Variants in SRD5A3 observed in about 807,000 individuals in gnomAD.
SRD5A3 encodes the protein polyprenal reductase.
SRD5A3 carries 24 observed loss-of-function variants against 34.3 expected under a neutral mutation model. The ratio of observed to expected loss-of-function variants is 0.70; its 90% CI spans 0.51 to 0.99. The LOEUF is 0.99. Ranked by LOEUF, SRD5A3 falls within the 50% of genes least tolerant of loss-of-function variation. The pLI is 0.00. For synonymous variants in SRD5A3, 161 were observed against 167.3 expected (o/e 0.96, Z 0.29); for missense variants, 350 against 388.2 (o/e 0.90, Z 0.83).
chr4:55,370,420 T>C lies in SRD5A3; in HGVS notation c.*329T>C, dbSNP rs1388302384. Reference sequence around the variant, plus strand: ...CAAACTAACCGAAAAACCGAAAATATACAAACAGCTTCACACACACACACA... The same window carrying C: ...CAAACTAACCGAAAAACCGAAAATACACAAACAGCTTCACACACACACACA... On this transcript the variant is annotated 3_prime_UTR_variant, in exon 5 of 5. Coordinates refer to ENST00000264228, the MANE Select transcript of SRD5A3 (RefSeq NM_024592.5). 8.4e-6 allele frequency: 3 copies of C among 355,600 alleles called. No individual in the cohort carries two copies. The highest frequency in any genetic ancestry group is 1.6e-5 in the Non-Finnish European group (3 of 190,146). 22.0% of individuals were successfully genotyped at this position (355,600 alleles called of 1,614,324 possible).
chr4:55,349,779 G>A (rs1028642575), intron 1 of SRD5A3, among the ~76,000 whole-genome samples: 2 of 152,168 alleles, frequency 1.3e-5, no homozygotes, highest in African/African-American at 2.4e-5. Context: ...CCCCACTGAA[G>A]TCCAGGGAGC....
intron 2 of SRD5A3, among the ~76,000 whole-genome samples, chr4:55,361,764 A>G (rs1017798171): frequency 1.3e-5 from 2 of 152,124 alleles, no homozygotes; most frequent in African/African-American, 4.8e-5. Flanking sequence ...AGATCATGCC[A>G]CTGCACTCCA....
At chr4:55,348,081 A>C (rs902618524) in intron 1 of SRD5A3, among the ~76,000 whole-genome samples, 5 of 152,222 alleles carry the variant, frequency 3.3e-5, no homozygotes, top group Admixed American at 3.3e-4. Flanking sequence ...CTGTTATTAC[A>C]TGACAGCCAA....
chr4:55,368,789 A>C (rs1320789683), intron 4 of SRD5A3, among the ~76,000 whole-genome samples: 5 of 151,840 alleles, frequency 3.3e-5, no homozygotes, highest in African/African-American at 1.2e-4. Flanking sequence ...CCCAGGCTGG[A>C]GTGCAGTGGC....
chr4:55,367,945 A>G (rs752856002), intron 4 of SRD5A3, among the ~76,000 whole-genome samples: 1 of 152,114 alleles, frequency 6.6e-6, no homozygotes, highest in Non-Finnish European at 1.5e-5. Context: ...CTGTGATTCT[A>G]CGTTTTGTGT....
chr4:55,360,693 T>G (rs1262141763), intron 2 of SRD5A3, among the ~76,000 whole-genome samples: 2 of 151,042 alleles, frequency 1.3e-5, no homozygotes, highest in African/African-American at 2.4e-5. Flanking sequence ...GGAACGTTTT[T>G]TTTTTTTTTT....
intron 1 of SRD5A3, among the ~76,000 whole-genome samples, chr4:55,356,482 T>G (rs973360392): frequency 3.3e-5 from 5 of 151,884 alleles, no homozygotes; most frequent in African/African-American, 7.3e-5. Context: ...ATTTTTAGGG[T>G]TTTGTTTGTT....
At chr4:55,350,760 A>T (rs866534559) in intron 1 of SRD5A3, among the ~76,000 whole-genome samples, 19 of 95,398 alleles carry the variant, frequency 2.0e-4, no homozygotes, top group African/African-American at 6.8e-4. Context: ...CCATCATTAA[A>T]TTTTTTTTTT....
At chr4:55,367,543 C>G (rs1411807484) in intron 3 of SRD5A3, 45 bp from the exon 4 acceptor site, 36 of 1,608,714 alleles carry the variant, frequency 2.2e-5, no homozygotes, top group Non-Finnish European at 3.1e-5. Flanking sequence ...ATTCCCTGAG[C>G]CTGTGAAATT....
rs1019730866 is a variant in SRD5A3, at chr4:55,371,439, A to C, written c.*1348A>C. 1 of 152,220 alleles carries C rather than the reference A, an allele frequency of 6.6e-6. No homozygotes were observed. The highest frequency in any genetic ancestry group is 2.4e-5 in the African/African-American group (1 of 41,454). The allele number at this position is 152,220 out of a possible 1,614,324, so 9.4% of individuals were successfully genotyped here. ...TAAAACTGCACACTTGTGCAGCGTA[A>C]GATTCTCTGGCTTATTGGCTGAGGT... On this transcript the variant is annotated 3_prime_UTR_variant, in exon 5 of 5. Transcript: ENST00000264228.
intron 2 of SRD5A3, among the ~76,000 whole-genome samples, chr4:55,363,146 C>T (rs775396442): frequency 1.3e-5 from 2 of 152,014 alleles, no homozygotes; most frequent in Non-Finnish European, 2.9e-5. Context: ...CGCCCCCGGC[C>T]GTGACTCATT....
chr4:55,364,181 A>T lies in SRD5A3; in HGVS notation c.472A>T (p.Ile158Phe). ...LYVSVFSNVM[I>F]HVVQYCFGLV... The stretch of plus-strand genomic sequence containing the variant: ...CGTCAGTGTCTTCTCCAATGTCATG[A>T]TTCACGTCGTGCAGTACTGTTTTGG... The change falls in exon 3 of 5, where the codon ATT (isoleucine) becomes TTT (phenylalanine). Residue 158 changes from isoleucine (I) to phenylalanine (F), a missense_variant. Ile to Phe is a conservative substitution (Grantham distance 21). Transcript: ENST00000264228. The T allele has an allele frequency of 6.2e-7, 1 of 1,614,088 alleles. No individual in the cohort carries two copies. Among genetic ancestry groups the T allele is most frequent in the Non-Finnish European group, 8.5e-7 (1 of 1,180,022 alleles).
In SRD5A3 at chr4:55,370,236, A is replaced by T. The variant is rs1720071201; in HGVS notation, c.*145A>T. 5 of 1,058,288 alleles carry T rather than the reference A, an allele frequency of 4.7e-6. No homozygotes were observed. Among genetic ancestry groups the T allele is most frequent in the Non-Finnish European group, 7.1e-6 (5 of 704,876 alleles). The allele number at this position is 1,058,288 out of a possible 1,614,324, so 65.6% of individuals were successfully genotyped here. A position where few individuals can be genotyped will look rare whatever the true frequency, so the allele number is the denominator to read the frequency against. Reference sequence around the variant, plus strand: ...ATACCCCACAAGTTTTCACTGAATGAGCATGGCAGTGCCACTCAAGAAAAT... The same window carrying T: ...ATACCCCACAAGTTTTCACTGAATGTGCATGGCAGTGCCACTCAAGAAAAT... On this transcript the variant is annotated 3_prime_UTR_variant, in exon 5 of 5. Coordinates refer to ENST00000264228, the MANE Select transcript of SRD5A3 (RefSeq NM_024592.5).
At chr4:55,350,351 C>A (rs1440707371) in intron 1 of SRD5A3, among the ~76,000 whole-genome samples, 2 of 152,152 alleles carry the variant, frequency 1.3e-5, no homozygotes, top group South Asian at 4.1e-4. Context: ...GCCTGGGTGA[C>A]AAGATTGAAA....
chr4:55,363,136 C>T (rs1283802298), intron 2 of SRD5A3, among the ~76,000 whole-genome samples: 1 of 151,942 alleles, frequency 6.6e-6, no homozygotes. Flanking sequence ...CATGAGCCAT[C>T]GCCCCCGGCC....
At chr4:55,361,298 A>G (rs566465457) in intron 2 of SRD5A3, among the ~76,000 whole-genome samples, 1 of 152,162 alleles carries the variant, frequency 6.6e-6, no homozygotes, top group African/African-American at 2.4e-5. Context: ...CTTGGCCAAC[A>G]TGGTGAAATC....
chr4:55,361,503 GA>G (rs1719685036), intron 2 of SRD5A3, among the ~76,000 whole-genome samples: 1 of 138,272 alleles, frequency 7.2e-6, no homozygotes, highest in Non-Finnish European at 1.6e-5. Flanking sequence ...AAAAAAAAAA[GA>G]GCAAACCCTG....
Position 55,370,407 on chromosome 4 carries a change from A to C in SRD5A3, c.*316A>C. 1 of 199,096 alleles carries C rather than the reference A, an allele frequency of 5.0e-6. No individual in the cohort carries two copies. The allele number at this position is 199,096 out of a possible 1,614,324, so 12.3% of individuals were successfully genotyped here. A position where few individuals can be genotyped will look rare whatever the true frequency, so the allele number is the denominator to read the frequency against. On this transcript the variant is annotated 3_prime_UTR_variant, in exon 5 of 5. Transcript: ENST00000264228. ...GCTGCTTCACAAGCAAACTAACCGAAAAACCGAAAATATACAAACAGCTTC... is the reference window on the plus strand; with the variant it reads ...GCTGCTTCACAAGCAAACTAACCGACAAACCGAAAATATACAAACAGCTTC...
chr4:55,348,758 A>G (rs1054710947), intron 1 of SRD5A3, among the ~76,000 whole-genome samples: 1 of 152,230 alleles, frequency 6.6e-6, no homozygotes, highest in African/African-American at 2.4e-5. Context: ...AGCTTAGAAG[A>G]TAGCAGTTGT....
Sources: gnomAD v4.1 joint callset for allele counts (sites outside exome capture counted in the v4.1 genomes callset) on GRCh38, gnomAD v4.1.1 for gene constraint, MANE v1.5 for transcripts, NCBI Gene and HGNC (gene_info 2026-07-23, HGNC 2026-07-21) for gene names.